Variants in CDKL3 observed in about 807,000 individuals in gnomAD.
CDKL3 encodes the protein cyclin dependent kinase like 3.
In CDKL3, 65 loss-of-function variants were observed where a neutral mutation model predicts 69.3. The observed-to-expected ratio is 0.94, with a 90% CI of 0.77 to 1.15. CDKL3 has a LOEUF of 1.15. Ranked by LOEUF, CDKL3 falls within the 50% of genes most tolerant of loss-of-function variation. The pLI, the probability that CDKL3 is intolerant of heterozygous loss-of-function variation, is 0.00. For missense variants in CDKL3, 652 were observed against 689.2 expected, an observed-to-expected ratio of 0.95 and a Z score of 0.61; for synonymous variants, 202 against 221.6, an observed-to-expected ratio of 0.91 and a Z score of 0.79.
chr5:134,352,694 C>T (rs1753628184), intron 3 of CDKL3, among the ~76,000 whole-genome samples: 1 of 152,090 alleles, frequency 6.6e-6, no homozygotes, highest in Non-Finnish European at 1.5e-5. Context: ...AGCTATCCTC[C>T]CACCTTGGCC....
intron 3 of CDKL3, among the ~76,000 whole-genome samples, chr5:134,352,091 C>A (rs573088086): frequency 2.6e-5 from 4 of 152,114 alleles, no homozygotes; most frequent in Non-Finnish European, 5.9e-5. Context: ...CTCTCTACTT[C>A]TATGAGTTGC....
chr5:134,371,605 C>A, upstream of CDKL3: 1 of 1,613,006 alleles, frequency 6.2e-7, no homozygotes, highest in Non-Finnish European at 8.5e-7. Flanking sequence ...CATGTCGACC[C>A]CGGCCCGGAG....
chr5:134,298,735 A>G, intron 12 of CDKL3, 25 bp from the exon 13 acceptor site: 1 of 1,606,184 alleles, frequency 6.2e-7, no homozygotes, highest in Non-Finnish European at 8.5e-7. Context: ...CAAGCTAGTA[A>G]GAATCAGGGA....
intron 8 of CDKL3, among the ~76,000 whole-genome samples, chr5:134,291,809 T>C (rs1236964712): frequency 1.3e-5 from 2 of 151,784 alleles, no homozygotes; most frequent in Non-Finnish European, 2.9e-5. Context: ...ACTGAGCTTC[T>C]AGTGATAGCC....
At chr5:134,305,035 T>G (rs1302281513) in intron 10 of CDKL3, among the ~76,000 whole-genome samples, 1 of 151,712 alleles carries the variant, frequency 6.6e-6, no homozygotes, top group Non-Finnish European at 1.5e-5. Flanking sequence ...CTCAAACTCC[T>G]GGGCTCAAGT....
chr5:134,317,293 G>T (rs542347753), intron 6 of CDKL3, among the ~76,000 whole-genome samples: 1 of 151,728 alleles, frequency 6.6e-6, no homozygotes, highest in Admixed American at 6.6e-5. Context: ...ACGCCACCAC[G>T]CCCGGCTAAT....
intron 8 of CDKL3, among the ~76,000 whole-genome samples, chr5:134,290,209 C>T (rs1270374712): frequency 6.6e-6 from 1 of 151,872 alleles, no homozygotes; most frequent in Admixed American, 6.6e-5. Context: ...CAAAAATTAG[C>T]TGGGCATGGT....
In CDKL3 at chr5:134,308,714, GT is replaced by G. The variant is rs1183424673; in HGVS notation, c.894del (p.Glu298AspfsTer2). ...RDGFIEKFMP[E>X]LKAKLLQEAK... ...GCTTCCTGCAGTAATTTAGCTTTCA[GT>G]TCTGGCATGAATCTGACAAAACAAG... On this transcript the variant is annotated frameshift_variant, in exon 8 of 13. Transcript: ENST00000265334. LOFTEE classifies it high-confidence loss of function. 1 of 1,591,234 alleles carries G rather than the reference GT, an allele frequency of 6.3e-7. No individual in the cohort carries two copies.
intron 8 of CDKL3, among the ~76,000 whole-genome samples, chr5:134,289,415 T>A (rs920113023): frequency 2.0e-5 from 3 of 152,176 alleles, no homozygotes; most frequent in Non-Finnish European, 2.9e-5. Context: ...AACATTATAA[T>A]AATACTGTTC....
Position 134,366,342 on chromosome 5 carries a change from A to G in CDKL3, c.165+17T>C, listed in dbSNP as rs1282998058. On this transcript the variant is annotated intron_variant, in intron 2 of 12. Transcript: ENST00000265334. ...TTTTTTCTTTTGACTTAGATGATTA[A>G]GGCAAAAGAAGCAAACCTTTAGAAA... 2.6e-6 allele frequency: 4 copies of G among 1,529,530 alleles called. No homozygotes were observed. The South Asian group carries it at 3.8e-5, about 14-fold the overall frequency. The allele number at this position is 1,529,530 out of a possible 1,614,324, so 94.7% of individuals were successfully genotyped here.
At chr5:134,334,102 G>A (rs370806593) in intron 4 of CDKL3, among the ~76,000 whole-genome samples, 1 of 151,978 alleles carries the variant, frequency 6.6e-6, no homozygotes, top group African/African-American at 2.4e-5. Flanking sequence ...TGTGTGGAGG[G>A]GTTTGTAGTA....
At chr5:134,344,996 CG>C (rs930424510) in intron 4 of CDKL3, among the ~76,000 whole-genome samples, 1 of 151,874 alleles carries the variant, frequency 6.6e-6, no homozygotes, top group Non-Finnish European at 1.5e-5. Context: ...ACCCAGGAGG[CG>C]GATGTTGCAG....
intron 3 of CDKL3, among the ~76,000 whole-genome samples, chr5:134,358,891 G>A (rs541617189): frequency 6.6e-6 from 1 of 152,228 alleles, no homozygotes; most frequent in East Asian, 1.9e-4. Context: ...TGAGATTAGA[G>A]GTGTGAGCTA....
intron 11 of CDKL3, among the ~76,000 whole-genome samples, chr5:134,303,719 G>C (rs1441990541): frequency 4.6e-5 from 7 of 151,252 alleles, no homozygotes; most frequent in Non-Finnish European, 1.0e-4. Flanking sequence ...GCGTGTTGGT[G>C]GGCACCTGTA....
chr5:134,346,827 T>C lies in CDKL3; in HGVS notation c.539+3422A>G, dbSNP rs565286435. On this transcript the variant is annotated intron_variant, in intron 4 of 12. Transcript: ENST00000265334. ...AGGTATTATCTTTTTGCCCCGATAATTGCAATGCATTGAAACCCATTAAAT... is the reference window on the plus strand; with the variant it reads ...AGGTATTATCTTTTTGCCCCGATAACTGCAATGCATTGAAACCCATTAAAT... Among the ~76,000 whole-genome samples the C allele has an allele frequency of 8.5e-5, 13 of 152,254 alleles. No homozygotes were observed. In the South Asian group the frequency reaches 1.5e-3, roughly 17 times the overall value.
rs1229691087 is a variant in CDKL3, at chr5:134,326,851, A to G, written c.540-4948T>C. Among the ~76,000 whole-genome samples, 35 of 105,392 alleles carry G rather than the reference A, an allele frequency of 3.3e-4. 1 individual carries two copies. The highest frequency in any genetic ancestry group is 1.1e-3 in the East Asian group (5 of 4,478). The allele number at this position is 105,392 out of a possible 152,430, so 69.1% of individuals were successfully genotyped here. ...TATATATATATATATATATATATAT[A>G]TATATATATATATATACACACACAC... is the stretch of plus-strand genomic sequence containing the variant. On this transcript the variant is annotated intron_variant, in intron 4 of 12. Coordinates refer to ENST00000265334, the MANE Select transcript of CDKL3 (RefSeq NM_001113575.2).
intron 4 of CDKL3, among the ~76,000 whole-genome samples, chr5:134,343,983 T>C (rs898853579): frequency 1.3e-5 from 2 of 152,192 alleles, no homozygotes; most frequent in South Asian, 2.1e-4. Context: ...GGTGAACCCC[T>C]TGAGCAGTTA....
chr5:134,368,670 C>A (rs1472663820), upstream of CDKL3, among the ~76,000 whole-genome samples: 2 of 147,882 alleles, frequency 1.4e-5, no homozygotes, highest in Middle Eastern at 3.3e-3. Flanking sequence ...ATATAAAATA[C>A]CTTCTATAAA....
intron 12 of CDKL3, chr5:134,302,014 ATC>A (rs1580793692): frequency 1.6e-5 from 6 of 381,914 alleles, no homozygotes; most frequent in Non-Finnish European, 3.1e-5. Flanking sequence ...GCTCAGCACA[ATC>A]TCTCTCTCTT....
Sources: allele counts gnomAD v4.1 joint callset (sites outside exome capture counted in the v4.1 genomes callset), GRCh38; gene constraint gnomAD v4.1.1; transcripts MANE v1.5; gene names NCBI Gene and HGNC (gene_info 2026-07-23, HGNC 2026-07-21).